Variants in HSD17B12 observed in about 807,000 individuals in gnomAD.
HSD17B12 encodes the protein hydroxysteroid 17-beta dehydrogenase 12.
HSD17B12 carries 32 observed loss-of-function variants against 39.3 expected under a neutral mutation model. The ratio of observed to expected loss-of-function variants is 0.81; its 90% CI spans 0.61 to 1.09. The LOEUF is 1.09. Among genes scored for constraint, HSD17B12 ranks in the 50% least tolerant of loss-of-function variants. HSD17B12 has a pLI of 0.00. For missense variants in HSD17B12, 342 were observed against 382.9 expected (o/e 0.89, Z 0.89); for synonymous variants, 150 against 146.7 (o/e 1.02, Z -0.16).
At chr11:43,745,131 T>TCC (rs367934471) in intron 1 of HSD17B12, among the ~76,000 whole-genome samples, 4 of 152,188 alleles carry the variant, frequency 2.6e-5, no homozygotes, top group African/African-American at 7.2e-5. Context: ...AACTGGAGAA[T>TCC]CAGGAAAAGG....
At chr11:43,775,150 G>A (rs1017634735) in intron 3 of HSD17B12, among the ~76,000 whole-genome samples, 2 of 152,156 alleles carry the variant, frequency 1.3e-5, no homozygotes, top group African/African-American at 4.8e-5. Flanking sequence ...GAGGGCCCCA[G>A]TCTTACAACT....
At chr11:43,816,412 G>A in intron 6 of HSD17B12, 21 bp downstream of exon 6, 3 of 1,509,200 alleles carry the variant, frequency 2.0e-6, no homozygotes, top group Non-Finnish European at 2.7e-6. Flanking sequence ...TTGTTATAAA[G>A]ATGTCATCCT....
chr11:43,629,164 C>T, the HSD17B12 span, among the ~76,000 whole-genome samples: 1 of 152,120 alleles, frequency 6.6e-6, no homozygotes, highest in Non-Finnish European at 1.5e-5. Context: ...CTTTATTCCT[C>T]TCTGTCCACA....
chr11:43,838,784 CA>C (rs1361942962), intron 8 of HSD17B12, among the ~76,000 whole-genome samples: 4 of 152,032 alleles, frequency 2.6e-5, no homozygotes, highest in African/African-American at 9.7e-5. Flanking sequence ...TGAATGAGTC[CA>C]CTTCACACAG....
At chr11:43,672,337 C>T in the HSD17B12 span, among the ~76,000 whole-genome samples, 8 of 152,224 alleles carry the variant, frequency 5.3e-5, no homozygotes, top group East Asian at 1.6e-3. Context: ...GCGTGAGCCA[C>T]CGCTCCCGGC....
rs183588677 is a variant in HSD17B12, at chr11:43,714,129, T to G, written c.160+33142T>G. On this transcript the variant is annotated intron_variant, in intron 1 of 10. Transcript: ENST00000278353. ...CTGTGCAGAAGCTCTTTGGTTTAATTAGATCCCATTTGTCAATTTTGGCTT... is the reference window on the plus strand; with the variant it reads ...CTGTGCAGAAGCTCTTTGGTTTAATGAGATCCCATTTGTCAATTTTGGCTT... Among the ~76,000 whole-genome samples the G allele has an allele frequency of 6.2e-3, 940 of 152,340 alleles. 16 individuals are homozygous for G. The highest frequency in any genetic ancestry group is 0.021 in the African/African-American group (881 of 41,578).
intron 3 of HSD17B12, among the ~76,000 whole-genome samples, chr11:43,790,644 G>A (rs1457492741): frequency 6.6e-6 from 1 of 152,176 alleles, no homozygotes; most frequent in African/African-American, 2.4e-5. Context: ...ACTGAGAGCA[G>A]GACAGTGCAA....
the HSD17B12 span, among the ~76,000 whole-genome samples, chr11:43,665,686 G>A: frequency 6.6e-6 from 1 of 152,050 alleles, no homozygotes; most frequent in Non-Finnish European, 1.5e-5. Context: ...GAATGGCCAA[G>A]GTCACACAAC....
chr11:43,768,752 G>A (rs1256312198), intron 3 of HSD17B12, among the ~76,000 whole-genome samples: 2 of 152,198 alleles, frequency 1.3e-5, no homozygotes, highest in South Asian at 2.1e-4. Flanking sequence ...CAGCACAGAA[G>A]GAGACCAGAG....
chr11:43,711,948 T>A (rs763856270), intron 1 of HSD17B12, among the ~76,000 whole-genome samples: 3 of 152,134 alleles, frequency 2.0e-5, no homozygotes, highest in Non-Finnish European at 4.4e-5. Context: ...CTGAATGGAC[T>A]CCCTCATCAG....
At chr11:43,838,627 C>A (rs1951394206) in intron 8 of HSD17B12, among the ~76,000 whole-genome samples, 1 of 133,266 alleles carries the variant, frequency 7.5e-6, no homozygotes, top group South Asian at 2.6e-4. Context: ...ACCAGGATAT[C>A]AGATTCACAG....
intron 1 of HSD17B12, among the ~76,000 whole-genome samples, chr11:43,688,829 G>A (rs907079526): frequency 6.6e-6 from 1 of 152,022 alleles, no homozygotes; most frequent in Non-Finnish European, 1.5e-5. Flanking sequence ...TTTTTTAGGG[G>A]GATGATACTT....
the HSD17B12 span, among the ~76,000 whole-genome samples, chr11:43,674,163 G>A: frequency 1.3e-5 from 2 of 152,080 alleles, no homozygotes; most frequent in African/African-American, 2.4e-5. Context: ...CCTCTTCTTC[G>A]GAGAGCTATT....
At chr11:43,674,832 C>A in the HSD17B12 span, among the ~76,000 whole-genome samples, 3 of 152,338 alleles carry the variant, frequency 2.0e-5, no homozygotes, top group South Asian at 4.1e-4. Flanking sequence ...GATCCCAGTT[C>A]AAATATGGGT....
intron 3 of HSD17B12, among the ~76,000 whole-genome samples, chr11:43,771,382 T>C (rs1055090690): frequency 8.5e-5 from 13 of 152,062 alleles, no homozygotes; most frequent in Admixed American, 3.9e-4. Flanking sequence ...TGAACAATAC[T>C]GTACATGTCT....
intron 6 of HSD17B12, chr11:43,830,350 C>T (rs1255171394): frequency 6.6e-6 from 1 of 152,156 alleles, no homozygotes; most frequent in Non-Finnish European, 1.5e-5. Context: ...TAGCCCCTCT[C>T]ATTATATGTA....
At chr11:43,690,388 A>ATTTTTTTT (rs1232125962) in intron 1 of HSD17B12, among the ~76,000 whole-genome samples, 1 of 11,794 alleles carries the variant, frequency 8.5e-5, no homozygotes, top group African/African-American at 5.4e-4. Context: ...ATATATATAT[A>ATTTTTTTT]TATATATATA....
At chr11:43,760,516 T>C (rs776611287) in intron 3 of HSD17B12, among the ~76,000 whole-genome samples, 3 of 152,240 alleles carry the variant, frequency 2.0e-5, no homozygotes, top group Non-Finnish European at 2.9e-5. Context: ...GCTTTATCTC[T>C]TGAAATGCAA....
At chr11:43,597,281 G>T in the HSD17B12 span, among the ~76,000 whole-genome samples, 2 of 152,170 alleles carry the variant, frequency 1.3e-5, no homozygotes, top group African/African-American at 2.4e-5. Context: ...GGTATGTCTG[G>T]CTATGAGAAT....
Sources: gnomAD v4.1 joint callset for allele counts (sites outside exome capture counted in the v4.1 genomes callset) on GRCh38, gnomAD v4.1.1 for gene constraint, MANE v1.5 for transcripts, NCBI Gene and HGNC (gene_info 2026-07-23, HGNC 2026-07-21) for gene names.